RBM20: variants seen among roughly 807,000 people sequenced by gnomAD.
RBM20 encodes the protein RNA binding motif protein 20, also known as RNA-binding protein 20.
RBM20 carries 51 observed loss-of-function variants against 110.1 expected under a neutral mutation model. The ratio of observed to expected loss-of-function variants is 0.46; its 90% confidence interval spans 0.37 to 0.59. The LOEUF (loss-of-function observed/expected upper bound fraction) is 0.59, where lower values mean the gene tolerates loss of function less well. RBM20 is among the 20% of genes least tolerant of loss of function. The pLI, the probability that RBM20 is intolerant of heterozygous loss-of-function variation, is 0.00. For synonymous variants in RBM20, 589 were observed against 618.2 expected, an observed-to-expected ratio of 0.95 and a Z score of 0.70; for missense variants, 1,512 against 1,574.9, an observed-to-expected ratio of 0.96 and a Z score of 0.68.
At chr10:110,801,844 C>T (rs886743131) in intron 7 of RBM20, among the ~76,000 whole-genome samples, 1 of 152,020 alleles carries the variant, frequency 6.6e-6, no homozygotes, top group Non-Finnish European at 1.5e-5. Context: ...CGTGCCTGGC[C>T]AGTTTATCAC....
chr10:110,781,773 G>C lies in RBM20; in HGVS notation c.1164G>C (p.Leu388Phe), dbSNP rs1844354317. 6.4e-7 allele frequency: 1 copy of C among 1,551,726 alleles called. No individual in the cohort carries two copies. Among genetic ancestry groups the C allele is most frequent in the African/African-American group, 1.4e-5 (1 of 73,068 alleles). ...GGAGGGCCAAGGAGGACCAGGCGTT[G>C]CTATCTGTGCGGCCCCTGCAGGCTC... ...AGRRAKEDQA[L>F]LSVRPLQAHE... The change falls in exon 2 of 14, where the codon TTG becomes TTC. Residue 388 changes from leucine to phenylalanine, a missense_variant. Leu to Phe is a conservative substitution (Grantham distance 22). Around this residue, in one of 3 missense-constraint regions of RBM20, gnomAD observed 1,149 missense variants for 1,169.4 expected, o/e 0.98. Transcript: ENST00000369519.
intron 1 of RBM20, among the ~76,000 whole-genome samples, chr10:110,780,455 G>A (rs1232994317): frequency 2.0e-5 from 3 of 152,102 alleles, no homozygotes; most frequent in Non-Finnish European, 2.9e-5. Context: ...AGCTGTATGC[G>A]TTGATTATCA....
intron 7 of RBM20, among the ~76,000 whole-genome samples, chr10:110,803,880 T>C (rs1190048723): frequency 7.1e-6 from 1 of 140,650 alleles, no homozygotes; most frequent in Non-Finnish European, 1.5e-5. Context: ...CAGGAGTAGA[T>C]CTGGCTGCAG....
intron 12 of RBM20, 140 bp from the exon 13 acceptor site, chr10:110,830,921 A>G: frequency 1.3e-6 from 1 of 754,348 alleles, no homozygotes; most frequent in Non-Finnish European, 2.1e-6. Context: ...GGCTTGGAGA[A>G]GCTCAGTAAC....
intron 1 of RBM20, among the ~76,000 whole-genome samples, chr10:110,650,135 G>A (rs752643848): frequency 6.6e-6 from 1 of 152,134 alleles, no homozygotes; most frequent in Non-Finnish European, 1.5e-5. Context: ...CCAGCTGTTG[G>A]GGGAGGAAGT....
At chr10:110,650,096 A>G (rs568408778) in intron 1 of RBM20, among the ~76,000 whole-genome samples, 10 of 152,210 alleles carry the variant, frequency 6.6e-5, no homozygotes, top group Non-Finnish European at 1.2e-4. Context: ...AAGTTTACAC[A>G]CAGCAAGTGT....
intron 1 of RBM20, among the ~76,000 whole-genome samples, chr10:110,711,584 C>T (rs915206066): frequency 6.6e-6 from 1 of 152,084 alleles, no homozygotes; most frequent in African/African-American, 2.4e-5. Flanking sequence ...AAGGAAGTCC[C>T]CACTAATGGG....
intron 13 of RBM20, among the ~76,000 whole-genome samples, chr10:110,834,155 T>C (rs1845093838): frequency 6.6e-6 from 1 of 152,168 alleles, no homozygotes; most frequent in Non-Finnish European, 1.5e-5. Context: ...GAAAACTAGA[T>C]ACCTGCTTGG....
rs2135153023 is a variant in RBM20, at chr10:110,838,552, G to T, written c.*2574G>T. The T allele has an allele frequency of 1.3e-5, 2 of 152,308 alleles. No homozygotes were observed. The highest frequency in any genetic ancestry group is 3.4e-3 in the Middle Eastern group (1 of 296). 9.4% of individuals were successfully genotyped at this position (152,308 alleles called of 1,614,324 possible). A position where few individuals can be genotyped will look rare whatever the true frequency, so the allele number is the denominator to read the frequency against. ...AAATAGCCCACAATTTTTATCAGAG[G>T]TTAGAACTGTACATTATCAGAGAGA... On this transcript the variant is annotated 3_prime_UTR_variant, in exon 14 of 14. Coordinates refer to ENST00000369519, the MANE Select transcript of RBM20 (RefSeq NM_001134363.3).
chr10:110,746,939 C>T (rs1843787749), intron 1 of RBM20, among the ~76,000 whole-genome samples: 1 of 152,174 alleles, frequency 6.6e-6, no homozygotes, highest in Non-Finnish European at 1.5e-5. Context: ...TATACCACTT[C>T]TTTTTCTTTT....
rs1181931612 is a variant in RBM20 at position 110,747,306 on chromosome 10, G to GT, written c.192-33495_192-33494insT. ...TAAAAACTCTTTTTTTGGGGGGGGG[G>GT]GTCATTCTGGCAGGGTAGCACTGGC... On this transcript the variant is annotated intron_variant, in intron 1 of 13. Transcript: ENST00000369519. Among the ~76,000 whole-genome samples, 3 of 150,386 alleles carry GT rather than the reference G, an allele frequency of 2.0e-5. 1 individual carries two copies. The highest frequency in any genetic ancestry group is 4.9e-5 in the African/African-American group (2 of 40,762).
intron 1 of RBM20, among the ~76,000 whole-genome samples, chr10:110,737,641 C>T (rs148576044): frequency 2.7e-3 from 394 of 148,042 alleles, no homozygotes; most frequent in African/African-American, 9.3e-3. Flanking sequence ...TTGAGTTTAA[C>T]GTAATTGGAA....
At chr10:110,670,354 C>T (rs940673380) in intron 1 of RBM20, among the ~76,000 whole-genome samples, 8 of 152,168 alleles carry the variant, frequency 5.3e-5, no homozygotes, top group African/African-American at 1.9e-4. Context: ...TGATATCTGG[C>T]ACAGACAGAT....
At chr10:110,798,579 G>A (rs11593906) in intron 6 of RBM20, among the ~76,000 whole-genome samples, 61,387 of 152,164 alleles carry the variant, frequency 0.4, 12,891 homozygotes, top group South Asian at 0.59. Context: ...TCAAGAAAAA[G>A]GCACTGAGAA....
At chr10:110,659,056 A>C (rs770950391) in intron 1 of RBM20, among the ~76,000 whole-genome samples, 1 of 152,210 alleles carries the variant, frequency 6.6e-6, no homozygotes, top group East Asian at 1.9e-4. Flanking sequence ...AGCCCCTGGC[A>C]CATAGTGTGT....
chr10:110,781,397 A>G lies in RBM20; in HGVS notation c.788A>G (p.Tyr263Cys), dbSNP rs886046701. The change falls in exon 2 of 14, where the codon TAT becomes TGT. Residue 263 changes from tyrosine to cysteine, a missense_variant. By Grantham distance (194) the Tyr-to-Cys change is radical (BLOSUM62 -2). This residue lies in a region of RBM20 where 1,149 missense variants were observed against 1,169.4 expected (regional missense o/e 0.98). Transcript: ENST00000369519. ...SSASTSGSVT[Y>C]EGHYSHTGQD... ...GCCTCAACCTCGGGCAGTGTGACCTATGAAGGGCACTACAGCCACACAGGG... is the reference window on the plus strand; with the variant it reads ...GCCTCAACCTCGGGCAGTGTGACCTGTGAAGGGCACTACAGCCACACAGGG... The G allele has an allele frequency of 9.0e-6, 14 of 1,551,530 alleles. No individual in the cohort carries two copies. The highest frequency in any genetic ancestry group is 1.4e-5 in the African/African-American group (1 of 73,050).
intron 1 of RBM20, among the ~76,000 whole-genome samples, chr10:110,710,851 T>C (rs1862916086): frequency 6.6e-6 from 1 of 152,170 alleles, no homozygotes; most frequent in Admixed American, 6.5e-5. Context: ...GGCTCTGGAC[T>C]TGTGGAGCCG....
chr10:110,826,615 T>C (rs1844985068), intron 12 of RBM20, among the ~76,000 whole-genome samples: 1 of 151,678 alleles, frequency 6.6e-6, no homozygotes, highest in South Asian at 2.1e-4. Context: ...AAAGTTTTTC[T>C]CTCGTTACCC....
intron 7 of RBM20, among the ~76,000 whole-genome samples, chr10:110,806,113 CA>C (rs1844690966): frequency 6.6e-6 from 1 of 151,898 alleles, no homozygotes; most frequent in Non-Finnish European, 1.5e-5. Context: ...ACTAAAAATA[CA>C]AAAATTAGCC....
Sources: allele counts gnomAD v4.1 joint callset (sites outside exome capture counted in the v4.1 genomes callset), GRCh38; gene constraint gnomAD v4.1.1; regional missense constraint gnomAD v4.1.1; transcripts MANE v1.5; gene names NCBI Gene and HGNC (gene_info 2026-07-23, HGNC 2026-07-21).